Variants in SUSD1 observed in about 807,000 individuals in gnomAD.
The protein encoded by SUSD1 is sushi domain-containing protein 1.
A neutral mutation model predicts 86.9 loss-of-function variants in SUSD1; 65 were observed. The observed-to-expected ratio is 0.75, with a 90% CI of 0.61 to 0.92. The LOEUF is 0.92. SUSD1 is among the 40% of genes least tolerant of loss of function. The pLI is 0.00. For synonymous variants in SUSD1, 346 were observed against 350.0 expected, an observed-to-expected ratio of 0.99 and a Z score of 0.13; for missense variants, 850 against 929.7, an observed-to-expected ratio of 0.91 and a Z score of 1.11.
rs1296023797 is a variant in SUSD1, at chr9:112,143,491, G to C, written c.506C>G (p.Thr169Ser). ...CCCACCTGTGCATGATGTGGCATCG[G>C]TGGTCGGGTGGAAAGGTTCAGGTCC... is the stretch of plus-strand genomic sequence containing the variant. ...RNGPEPFHPTTDATSCTEIDC... is the reference protein window; with the variant it reads ...RNGPEPFHPTSDATSCTEIDC... The change falls in exon 4 of 17, where the codon ACC becomes AGC. Residue 169 changes from threonine to serine, a missense_variant. Thr to Ser is a moderately conservative substitution (Grantham distance 58, BLOSUM62 1). Transcript: ENST00000374270. 1 of 1,613,708 alleles carries C rather than the reference G, an allele frequency of 6.2e-7. No individual in the cohort carries two copies. Among genetic ancestry groups the C allele is most frequent in the African/African-American group, 1.3e-5 (1 of 74,882 alleles).
Position 112,112,511 on chromosome 9 carries a change from C to T in SUSD1, c.984+260G>A, listed in dbSNP as rs575566739. On this transcript the variant is annotated intron_variant, in intron 7 of 16. Transcript: ENST00000374270. ...ATTAGCCAAGCATGGTAGTGCACACCTCTAATCCCAGCTACTCAGGAGGCT... is the reference window on the plus strand; with the variant it reads ...ATTAGCCAAGCATGGTAGTGCACACTTCTAATCCCAGCTACTCAGGAGGCT... 1.3e-4 allele frequency among the ~76,000 whole-genome samples: 20 copies of T among 152,206 alleles called. No individual in the cohort carries two copies. The South Asian group carries it at 4.2e-3, about 32-fold the overall frequency.
At chr9:112,165,818 A>AAGAAAGAAAGAAAG (rs1232347491) in intron 1 of SUSD1, among the ~76,000 whole-genome samples, 29 of 123,346 alleles carry the variant, frequency 2.4e-4, no homozygotes, top group Non-Finnish European at 3.8e-4. Flanking sequence ...GAGAGAGAAA[A>AAGAAAGAAAGAAAG]AGAAAGAAAG....
chr9:112,100,043 A>C (rs1240822047), intron 9 of SUSD1, among the ~76,000 whole-genome samples: 3 of 152,208 alleles, frequency 2.0e-5, no homozygotes, highest in Admixed American at 2.0e-4. Flanking sequence ...ATTCTTCTGG[A>C]CCACTTACTA....
At chr9:112,128,630 G>A (rs1048237320) in intron 5 of SUSD1, among the ~76,000 whole-genome samples, 2 of 152,172 alleles carry the variant, frequency 1.3e-5, no homozygotes, top group Admixed American at 1.3e-4. Context: ...CTGACCTCAA[G>A]TGATCCTCCC....
At chr9:112,134,366 T>C (rs989256044) in intron 5 of SUSD1, among the ~76,000 whole-genome samples, 1 of 152,314 alleles carries the variant, frequency 6.6e-6, no homozygotes, top group East Asian at 1.9e-4. Context: ...ATGTACACCA[T>C]GGAATACTAC....
At chr9:112,145,277 C>CTTTTTTTTTT (rs1564337084) in intron 3 of SUSD1, among the ~76,000 whole-genome samples, 1 of 125,210 alleles carries the variant, frequency 8.0e-6, no homozygotes, top group Non-Finnish European at 1.7e-5. Flanking sequence ...ACCATAATTT[C>CTTTTTTTTTT]CTTTTTTTTT....
intron 1 of SUSD1, chr9:112,173,551 C>T (rs1379548690): frequency 3.0e-6 from 1 of 329,504 alleles, no homozygotes; most frequent in Admixed American, 3.5e-5. Flanking sequence ...GGGGCCTGAG[C>T]TCCTTCGGGA....
intron 1 of SUSD1, among the ~76,000 whole-genome samples, chr9:112,164,501 A>G (rs1364106624): frequency 6.6e-6 from 1 of 151,164 alleles, no homozygotes; most frequent in Admixed American, 6.6e-5. Flanking sequence ...AGCTATGATC[A>G]TGCCACTGCA....
At chr9:112,105,147 G>T (rs909829038) in intron 8 of SUSD1, among the ~76,000 whole-genome samples, 6 of 152,096 alleles carry the variant, frequency 3.9e-5, no homozygotes, top group Non-Finnish European at 7.3e-5. Flanking sequence ...AATTTAAAGT[G>T]CATTGGAAAT....
intron 8 of SUSD1, among the ~76,000 whole-genome samples, chr9:112,102,662 T>G (rs1830679043): frequency 6.6e-6 from 1 of 152,202 alleles, no homozygotes; most frequent in African/African-American, 2.4e-5. Context: ...GTCATGAAGG[T>G]AAGCATAGCA....
intron 9 of SUSD1, among the ~76,000 whole-genome samples, chr9:112,100,065 T>G (rs1203881032): frequency 6.6e-6 from 1 of 152,264 alleles, no homozygotes; most frequent in Non-Finnish European, 1.5e-5. Flanking sequence ...TGAGGCATAA[T>G]GTGTTCATGC....
intron 11 of SUSD1, among the ~76,000 whole-genome samples, chr9:112,079,849 G>A (rs981086254): frequency 3.0e-4 from 45 of 152,052 alleles, no homozygotes; most frequent in Non-Finnish European, 5.6e-4. Context: ...TGATCCGCCC[G>A]CCTCAGCCTC....
At chr9:112,165,961 G>GAAAGAAAGAA (rs1314553340) in intron 1 of SUSD1, among the ~76,000 whole-genome samples, 2 of 150,036 alleles carry the variant, frequency 1.3e-5, no homozygotes, top group African/African-American at 2.5e-5. Context: ...AAGAAAGAAA[G>GAAAGAAAGAA]AAAGAAAGAA....
At chr9:112,149,505 C>T (rs1297476459) in intron 2 of SUSD1, 106 bp from the exon 3 acceptor site, 1 of 1,261,734 alleles carries the variant, frequency 7.9e-7, no homozygotes, top group Non-Finnish European at 1.1e-6. Context: ...CGTTCTGTGA[C>T]CACACCTTAG....
At chr9:112,070,282 C>T (rs1435008593) in intron 12 of SUSD1, among the ~76,000 whole-genome samples, 1 of 152,222 alleles carries the variant, frequency 6.6e-6, no homozygotes, top group East Asian at 1.9e-4. Flanking sequence ...GCTGGCATTA[C>T]AGGCATGAGC....
At position 112,157,488 on chromosome 9, in the gene SUSD1, T is replaced by A. The variant is rs752083380; in HGVS notation, c.217+12A>T. ...TTCAGCTTTTCAACTTAACCCAGAG[T>A]TCAGAACTTACCAACACACTGAGTC... On this transcript the variant is annotated intron_variant, in intron 2 of 16. Coordinates refer to ENST00000374270, the MANE Select transcript of SUSD1 (RefSeq NM_022486.5). 45 of 1,594,306 alleles carry A rather than the reference T, an allele frequency of 2.8e-5. No individual in the cohort carries two copies. Among genetic ancestry groups the A allele is most frequent in the Non-Finnish European group, 3.6e-5 (42 of 1,162,728 alleles).
intron 6 of SUSD1, among the ~76,000 whole-genome samples, chr9:112,120,425 C>T (rs1028316398): frequency 2.6e-5 from 4 of 152,158 alleles, no homozygotes; most frequent in African/African-American, 9.7e-5. Flanking sequence ...TGGTAATCAG[C>T]AGCTCTCACT....
rs963007083 is a variant in SUSD1, at chr9:112,075,053, G to T, written c.1753+3485C>A. On this transcript the variant is annotated intron_variant, in intron 12 of 16. Transcript: ENST00000374270. The stretch of plus-strand genomic sequence containing the variant: ...CCCTCCCCTTTACTCAAAAAAATAT[G>T]CAACGGTCCTTCAAACCAGAAAAGC... 2.0e-5 allele frequency among the ~76,000 whole-genome samples: 3 copies of T among 152,112 alleles called. No individual in the cohort carries two copies. The East Asian group carries it at 5.8e-4, about 29-fold the overall frequency.
chr9:112,065,969 T>C (rs1186227247), intron 12 of SUSD1, among the ~76,000 whole-genome samples: 2 of 152,234 alleles, frequency 1.3e-5, no homozygotes, highest in African/African-American at 4.8e-5. Context: ...ACTTTGCCTC[T>C]GCTGTTTCAA....
Sources: allele counts gnomAD v4.1 joint callset (sites outside exome capture counted in the v4.1 genomes callset), GRCh38; gene constraint gnomAD v4.1.1; transcripts MANE v1.5; gene names NCBI Gene and HGNC (gene_info 2026-07-23, HGNC 2026-07-21).